MIER2: variants seen among roughly 807,000 people sequenced by gnomAD.
MIER2 encodes the protein MIER family member 2.
MIER2 carries 30 observed loss-of-function variants against 67.6 expected under a neutral mutation model. That is an observed-to-expected ratio of 0.44 (90% CI 0.33 to 0.60). MIER2 has a LOEUF of 0.60. Ranked by LOEUF, MIER2 falls within the 20% of genes least tolerant of loss-of-function variation. The probability of loss-of-function intolerance (pLI) is 0.02; values close to 1 mark genes in which losing one functional copy is unlikely to be tolerated. For missense variants in MIER2, 702 were observed against 745.1 expected (o/e 0.94, Z 0.67); for synonymous variants, 372 against 312.6 (o/e 1.19, Z -2.00).
At chr19:322,773 C>T (rs769986899) in intron 7 of MIER2, among the ~76,000 whole-genome samples, 2 of 152,144 alleles carry the variant, frequency 1.3e-5, no homozygotes, top group African/African-American at 2.4e-5. Context: ...CACGACTCCC[C>T]GCTGTCCATC....
At chr19:306,997 G>C in intron 13 of MIER2, 122 bp downstream of exon 13, 3 of 1,199,694 alleles carry the variant, frequency 2.5e-6, no homozygotes, top group South Asian at 1.5e-5. Context: ...GAGCCTGCTC[G>C]TGGAGCCACA....
chr19:324,933 A>AC (rs1210467950), intron 7 of MIER2, among the ~76,000 whole-genome samples: 3 of 152,138 alleles, frequency 2.0e-5, no homozygotes, highest in Non-Finnish European at 4.4e-5. Flanking sequence ...CACACGGGGC[A>AC]CCCCCGACCA....
rs530147475 is a variant in MIER2, at chr19:323,618, T to C, written c.655+2017A>G. 5.0e-4 allele frequency among the ~76,000 whole-genome samples: 67 copies of C among 135,184 alleles called. 1 individual carries two copies. In the East Asian group the frequency reaches 0.013, roughly 27 times the overall value. The allele number at this position is 135,184 out of a possible 152,430, so 88.7% of individuals were successfully genotyped here. On this transcript the variant is annotated intron_variant, in intron 7 of 13. Coordinates refer to ENST00000264819, the MANE Select transcript of MIER2 (RefSeq NM_017550.3). Reference sequence around the variant, plus strand: ...GCAATACACAAGACACACACAACCATGGCATCCAAACCAAGGACCACAATG... The same window carrying C: ...GCAATACACAAGACACACACAACCACGGCATCCAAACCAAGGACCACAATG...
chr19:328,210 G>A (rs921764311), intron 3 of MIER2, among the ~76,000 whole-genome samples: 18 of 152,158 alleles, frequency 1.2e-4, no homozygotes, highest in East Asian at 3.9e-4. Flanking sequence ...AGGGGTCACC[G>A]GCCAGGGAAG....
intron 1 of MIER2, 21 bp downstream of exon 1, chr19:344,753 T>G (rs1039339487): frequency 8.5e-7 from 1 of 1,172,144 alleles, no homozygotes; most frequent in Non-Finnish European, 1.1e-6. Flanking sequence ...GGGGGCCGGC[T>G]CCCCCGGCCC....
chr19:316,015 A>C (rs1971220813), intron 7 of MIER2, among the ~76,000 whole-genome samples: 1 of 152,256 alleles, frequency 6.6e-6, no homozygotes, highest in South Asian at 2.1e-4. Context: ...AGAAACGATG[A>C]CAGCCAAAAC....
In MIER2 at chr19:310,405, A is replaced by T. The variant is rs532969553; in HGVS notation, c.984+1440T>A. ...CTCTTCTGTGAAGGGCCAGGGTGAA[A>T]TACGCACTGGCTCAGGCTGACCAAC... On this transcript the variant is annotated intron_variant, in intron 10 of 13. Transcript: ENST00000264819. 3.3e-5 allele frequency among the ~76,000 whole-genome samples: 5 copies of T among 152,346 alleles called. No homozygotes were observed. The South Asian group carries it at 1.0e-3, about 32-fold the overall frequency.
At chr19:344,249 C>T in intron 1 of MIER2, 1 of 985,372 alleles carries the variant, frequency 1.0e-6, no homozygotes, top group Non-Finnish European at 1.2e-6. Context: ...CAAATCCCGC[C>T]CGGGGTCTGA....
chr19:315,549 G>A (rs1971203306), intron 7 of MIER2, among the ~76,000 whole-genome samples: 1 of 152,186 alleles, frequency 6.6e-6, no homozygotes, highest in Non-Finnish European at 1.5e-5. Context: ...GGACCTTCCA[G>A]GACTGGATAA....
chr19:325,375 G>A (rs1337332383), intron 7 of MIER2, among the ~76,000 whole-genome samples: 1 of 152,172 alleles, frequency 6.6e-6, no homozygotes, highest in Non-Finnish European at 1.5e-5. Flanking sequence ...CTGGGTCAGA[G>A]GCAGGACGGG....
At chr19:316,499 AG>A in intron 7 of MIER2, among the ~76,000 whole-genome samples, 1 of 152,314 alleles carries the variant, frequency 6.6e-6, no homozygotes, top group African/African-American at 2.4e-5. Context: ...CATGTTGGCC[AG>A]GCTGGTCTCA....
Position 336,106 on chromosome 19 carries a change from T to C in MIER2, c.77A>G (p.Glu26Gly), listed in dbSNP as rs1972243247. The change falls in exon 2 of 14, where the codon GAG becomes GGG. Residue 26 changes from glutamate (E) to glycine (G), a missense_variant. Glu to Gly is a moderately conservative substitution (Grantham distance 98, BLOSUM62 -2). Coordinates refer to ENST00000264819, the MANE Select transcript of MIER2 (RefSeq NM_017550.3). ...ACCTGCTGTTGTCTGCAAGCCCGGC[T>C]CCCCTGGGCACAGGCTGTGCTCGAG... is the stretch of plus-strand genomic sequence containing the variant. ...SCLEHSLCPG[E>G]PGLQTTAVVS... is the part of the protein sequence containing the mutation. 6.2e-7 allele frequency: 1 copy of C among 1,613,582 alleles called. No homozygotes were observed. Among genetic ancestry groups the C allele is most frequent in the South Asian group, 1.1e-5 (1 of 91,046 alleles).
chr19:324,932 C>A (rs1431161996), intron 7 of MIER2, among the ~76,000 whole-genome samples: 3 of 152,356 alleles, frequency 2.0e-5, no homozygotes, highest in South Asian at 4.1e-4. Context: ...TCACACGGGG[C>A]ACCCCCGACC....
intron 3 of MIER2, among the ~76,000 whole-genome samples, chr19:331,691 G>C (rs1972033402): frequency 6.6e-6 from 1 of 151,494 alleles, no homozygotes; most frequent in African/African-American, 2.4e-5. Flanking sequence ...ATGTTTTAAA[G>C]ACAGAAGCTT....
intron 3 of MIER2, among the ~76,000 whole-genome samples, chr19:331,867 G>T (rs1225893318): frequency 6.6e-6 from 1 of 151,976 alleles, no homozygotes; most frequent in South Asian, 2.1e-4. Context: ...TGTGGTCCCA[G>T]CTACTCGGGA....
chr19:323,672 T>C (rs1282147313), intron 7 of MIER2, among the ~76,000 whole-genome samples: 2 of 143,208 alleles, frequency 1.4e-5, no homozygotes, highest in East Asian at 4.2e-4. Flanking sequence ...AACCACAGCA[T>C]CCAAACCAAG....
chr19:324,765 A>G (rs1045624814), intron 7 of MIER2, among the ~76,000 whole-genome samples: 2 of 152,220 alleles, frequency 1.3e-5, no homozygotes, highest in Non-Finnish European at 2.9e-5. Context: ...TGCTCCAGAC[A>G]GGGCACCCTC....
chr19:310,456 G>A (rs982008565), intron 10 of MIER2, among the ~76,000 whole-genome samples: 31 of 152,134 alleles, frequency 2.0e-4, no homozygotes, highest in Non-Finnish European at 3.2e-4. Flanking sequence ...ACGGCCCCTC[G>A]CGGCTGGGCC....
chr19:310,726 C>CAGAGTCCAGAAACACAGCCT (rs1970956288), intron 10 of MIER2, among the ~76,000 whole-genome samples: 1 of 127,044 alleles, frequency 7.9e-6, no homozygotes. Flanking sequence ...GAACATGGCC[C>CAGAGTCCAGAAACACAGCCT]GGAGCTGTAG....
Sources: gnomAD v4.1 joint callset for allele counts (sites outside exome capture counted in the v4.1 genomes callset) on GRCh38, gnomAD v4.1.1 for gene constraint, MANE v1.5 for transcripts, NCBI Gene and HGNC (gene_info 2026-07-23, HGNC 2026-07-21) for gene names.